The following SRGAP1 variants were observed in gnomAD, a reference collection of about 807,000 sequenced individuals.
The protein encoded by SRGAP1 is SLIT-ROBO Rho GTPase-activating protein 1.
Under a neutral mutation model 121.9 loss-of-function variants are expected in SRGAP1, and 43 were observed. The ratio of observed to expected loss-of-function variants is 0.35; its 90% confidence interval spans 0.28 to 0.46. The LOEUF is 0.46. Ranked by LOEUF, SRGAP1 falls within the 20% of genes least tolerant of loss-of-function variation. The pLI is 1.00. For missense variants in SRGAP1, 1,102 were observed against 1,350.9 expected, an observed-to-expected ratio of 0.82 and a Z score of 2.89; for synonymous variants, 447 against 485.4, an observed-to-expected ratio of 0.92 and a Z score of 1.04.
chr12:64,006,151 A>C (rs976704732), intron 3 of SRGAP1, among the ~76,000 whole-genome samples: 1 of 152,206 alleles, frequency 6.6e-6, no homozygotes, highest in African/African-American at 2.4e-5. Flanking sequence ...CATTTAATCA[A>C]GCTCTTAAAC....
chr12:63,994,004 T>A (rs977641915), intron 3 of SRGAP1, among the ~76,000 whole-genome samples: 1 of 152,190 alleles, frequency 6.6e-6, no homozygotes, highest in African/African-American at 2.4e-5. Context: ...TGAAATCAGA[T>A]ATTCTGGGTA....
intron 4 of SRGAP1, among the ~76,000 whole-genome samples, chr12:64,029,938 TAAAC>T (rs1166981189): frequency 9.9e-5 from 15 of 151,824 alleles, no homozygotes; most frequent in African/African-American, 3.1e-4. Flanking sequence ...AATAAATAAA[TAAAC>T]AAAGCATTAA....
At chr12:63,916,728 G>A (rs1284689650) in intron 1 of SRGAP1, among the ~76,000 whole-genome samples, 2 of 152,176 alleles carry the variant, frequency 1.3e-5, no homozygotes, top group African/African-American at 2.4e-5. Context: ...GGCATAAGGT[G>A]CCTAGGATGA....
At chr12:63,963,738 T>A (rs1484859162) in intron 1 of SRGAP1, among the ~76,000 whole-genome samples, 1 of 152,142 alleles carries the variant, frequency 6.6e-6, no homozygotes, top group African/African-American at 2.4e-5. Context: ...TTTTCTTTAC[T>A]TCTGGGAGAG....
At chr12:63,945,104 T>A (rs948007238) in intron 1 of SRGAP1, among the ~76,000 whole-genome samples, 1 of 152,174 alleles carries the variant, frequency 6.6e-6, no homozygotes, top group Non-Finnish European at 1.5e-5. Flanking sequence ...TCCTATCATT[T>A]TGACATCCTC....
chr12:64,082,429 T>C (rs192042729), intron 10 of SRGAP1, among the ~76,000 whole-genome samples: 52 of 152,122 alleles, frequency 3.4e-4, no homozygotes, highest in African/African-American at 1.2e-3. Context: ...TATTATACTT[T>C]GTGAACTGCA....
chr12:63,873,905 A>G (rs960229842), intron 1 of SRGAP1, among the ~76,000 whole-genome samples: 10 of 151,310 alleles, frequency 6.6e-5, no homozygotes, highest in South Asian at 2.1e-4. Flanking sequence ...GTGTGTGCCT[A>G]TGGTCGCATG....
chr12:64,020,858 A>AAG (rs1555166836), intron 4 of SRGAP1, among the ~76,000 whole-genome samples: 2 of 151,532 alleles, frequency 1.3e-5, no homozygotes, highest in African/African-American at 2.4e-5. Flanking sequence ...AAAAAAAAAA[A>AAG]AAAAGAAAAG....
At chr12:64,131,715 C>T (rs1344526694) in intron 21 of SRGAP1, among the ~76,000 whole-genome samples, 1 of 152,192 alleles carries the variant, frequency 6.6e-6, no homozygotes, top group Non-Finnish European at 1.5e-5. Context: ...TATACCACTT[C>T]CATTTGATGA....
At chr12:64,107,354 A>C (rs1180448828) in intron 15 of SRGAP1, among the ~76,000 whole-genome samples, 2 of 152,204 alleles carry the variant, frequency 1.3e-5, no homozygotes, top group Admixed American at 6.5e-5. Flanking sequence ...TCCCCAAGTG[A>C]ATCCAAGTCA....
Position 64,153,810 on chromosome 12 carries a change from A to G in SRGAP1, c.*11138A>G, listed in dbSNP as rs1289493771. The G allele has an allele frequency of 1.3e-5, 2 of 152,220 alleles. No individual in the cohort carries two copies. The highest frequency in any genetic ancestry group is 4.8e-5 in the African/African-American group (2 of 41,460). 9.4% of individuals were successfully genotyped at this position (152,220 alleles called of 1,614,324 possible). A position where few individuals can be genotyped will look rare whatever the true frequency, so the allele number is the denominator to read the frequency against. On this transcript the variant is annotated 3_prime_UTR_variant, in exon 22 of 22. Transcript: ENST00000355086. ...ATCCACCAAGCCCACTTCTGGGTACATATCCAAAAGAATTGAAAACAGAAG... is the reference window on the plus strand; with the variant it reads ...ATCCACCAAGCCCACTTCTGGGTACGTATCCAAAAGAATTGAAAACAGAAG...
chr12:64,048,587 CA>C (rs1280702877), intron 6 of SRGAP1, among the ~76,000 whole-genome samples: 1 of 152,164 alleles, frequency 6.6e-6, no homozygotes, highest in Non-Finnish European at 1.5e-5. Flanking sequence ...TACTGTTCTC[CA>C]TAGTGGCTGT....
At chr12:63,883,723 A>G (rs1202921332) in intron 1 of SRGAP1, among the ~76,000 whole-genome samples, 5 of 150,634 alleles carry the variant, frequency 3.3e-5, no homozygotes, top group Non-Finnish European at 4.4e-5. Context: ...CAGTGATGCA[A>G]TCTCGGCTCA....
chr12:64,113,489 T>C (rs1360757286), intron 17 of SRGAP1, among the ~76,000 whole-genome samples: 1 of 152,136 alleles, frequency 6.6e-6, no homozygotes, highest in Admixed American at 6.5e-5. Context: ...ATAATGTATA[T>C]TTCAAAACAG....
rs781701925 is a variant in SRGAP1 at position 63,855,473 on chromosome 12, GTTTTTTTTTTTTTTTT to G, written c.67+10607_67+10622del. Among the ~76,000 whole-genome samples the G allele has an allele frequency of 2.3e-4, 12 of 52,938 alleles. No individual in the cohort carries two copies. The East Asian group carries it at 4.7e-3, about 21-fold the overall frequency. 34.7% of individuals were successfully genotyped at this position (52,938 alleles called of 152,430 possible). A position where few individuals can be genotyped will look rare whatever the true frequency, so the allele number is the denominator to read the frequency against. The stretch of plus-strand genomic sequence containing the variant: ...AGCAGCAGTCAACATGAAAAATGGT[GTTTTTTTTTTTTTTTT>G]TTTTTTTTTTTTTTTTGAGGGAGAG... On this transcript the variant is annotated intron_variant, in intron 1 of 21. Coordinates refer to ENST00000355086, the MANE Select transcript of SRGAP1 (RefSeq NM_020762.4).
At chr12:64,085,143 CA>C (rs910196223) in intron 10 of SRGAP1, among the ~76,000 whole-genome samples, 22 of 152,128 alleles carry the variant, frequency 1.4e-4, no homozygotes, top group African/African-American at 5.3e-4. Context: ...GTGCCACACC[CA>C]CCCCATACTA....
At position 64,065,220 on chromosome 12, in the gene SRGAP1, G is replaced by A; in HGVS notation, c.1125+1G>A. On this transcript the variant is annotated splice_donor_variant, in intron 8 of 21. Coordinates refer to ENST00000355086, the MANE Select transcript of SRGAP1 (RefSeq NM_020762.4). LOFTEE classifies it high-confidence loss of function. ...CACGCTCAAAATCGAGAATGAAGAG[G>A]TGAGCATGCGTTCGTCCTGCCACAC... 6.2e-7 allele frequency: 1 copy of A among 1,610,368 alleles called. No individual in the cohort carries two copies. Among genetic ancestry groups the A allele is most frequent in the Non-Finnish European group, 8.5e-7 (1 of 1,178,248 alleles).
rs531916724 is a variant in SRGAP1, at chr12:64,040,781, A to G, written c.490-2009A>G. ...TTAAGAAAATATTTATTAAGCACCTATGTTGTCTGAAATACTTTCAGAGAT... is the reference window on the plus strand; with the variant it reads ...TTAAGAAAATATTTATTAAGCACCTGTGTTGTCTGAAATACTTTCAGAGAT... On this transcript the variant is annotated intron_variant, in intron 4 of 21. Transcript: ENST00000355086. 1.0e-3 allele frequency among the ~76,000 whole-genome samples: 156 copies of G among 152,308 alleles called. 2 individuals carry two copies. The highest frequency in any genetic ancestry group is 1.9e-3 in the African/African-American group (78 of 41,574).
chr12:64,094,728 A>T lies in SRGAP1; in HGVS notation c.1540-204A>T, dbSNP rs114467822. 2.3e-3 allele frequency among the ~76,000 whole-genome samples: 357 copies of T among 152,330 alleles called. 1 individual carries two copies. The highest frequency in any genetic ancestry group is 8.3e-3 in the African/African-American group (346 of 41,580). ...TATTCATTTTGGTATGTAAGTCTTA[A>T]TATAAGAAAAGAGATGAATTAGGTT... On this transcript the variant is annotated intron_variant, in intron 12 of 21. Transcript: ENST00000355086.
Sources: allele counts gnomAD v4.1 joint callset (sites outside exome capture counted in the v4.1 genomes callset), GRCh38; gene constraint gnomAD v4.1.1; transcripts MANE v1.5; gene names NCBI Gene and HGNC (gene_info 2026-07-23, HGNC 2026-07-21).